Variants in CAST observed in about 807,000 individuals in gnomAD.
The protein encoded by CAST is calpastatin.
A neutral mutation model predicts 119.6 loss-of-function variants in CAST; 76 were observed. The ratio of observed to expected loss-of-function variants is 0.64; its 90% CI spans 0.53 to 0.77. The LOEUF is 0.77. CAST is among the 30% of genes least tolerant of loss of function. CAST has a pLI of 0.00. For missense variants in CAST, 953 were observed against 946.5 expected (o/e 1.01, Z -0.09); for synonymous variants, 319 against 331.6 (o/e 0.96, Z 0.41).
the CAST span, among the ~76,000 whole-genome samples, chr5:95,968,644 G>A: frequency 1.3e-5 from 2 of 151,954 alleles, no homozygotes; most frequent in East Asian, 1.9e-4. Context: ...CAACACATAC[G>A]GACACAGAAG....
the CAST span, among the ~76,000 whole-genome samples, chr5:96,241,884 G>A: frequency 9.7e-5 from 14 of 144,594 alleles, no homozygotes; most frequent in South Asian, 4.6e-4. Context: ...GTCTGTTCAT[G>A]TCCTTCGCCC....
At chr5:96,274,163 G>A in the CAST span, among the ~76,000 whole-genome samples, 1 of 151,026 alleles carries the variant, frequency 6.6e-6, no homozygotes, top group Non-Finnish European at 1.5e-5. Flanking sequence ...GTGCAGTGGC[G>A]TGATCTTGGC....
the CAST span, among the ~76,000 whole-genome samples, chr5:96,223,212 T>G: frequency 3.3e-5 from 5 of 152,136 alleles, no homozygotes; most frequent in African/African-American, 1.2e-4. Context: ...GATAGCAGAC[T>G]AGGGTGACCA....
rs1491035727 is a variant in CAST at position 96,752,990 on chromosome 5, ACT to A, written c.1525-1067_1525-1066del. Among the ~76,000 whole-genome samples, 92 of 140,800 alleles carry A rather than the reference ACT, an allele frequency of 6.5e-4. 1 individual carries two copies. In the South Asian group the frequency reaches 7.7e-3, roughly 12 times the overall value. 92.4% of individuals were successfully genotyped at this position (140,800 alleles called of 152,430 possible). ...CACACACACACACACACACACACAC[ACT>A]CTTACATTTTTTTTTTTTTGAGGCA... is the stretch of plus-strand genomic sequence containing the variant. On this transcript the variant is annotated intron_variant, in intron 20 of 31. Transcript: ENST00000675179.
the CAST span, among the ~76,000 whole-genome samples, chr5:96,150,520 G>A: frequency 1.3e-5 from 2 of 152,196 alleles, no homozygotes; most frequent in Non-Finnish European, 2.9e-5. Context: ...CTGAATCTGG[G>A]GGACTTGGGG....
chr5:96,755,690 A>G (rs1010815043), intron 22 of CAST, among the ~76,000 whole-genome samples: 6 of 152,242 alleles, frequency 3.9e-5, no homozygotes, highest in Non-Finnish European at 7.3e-5. Flanking sequence ...ATCCATGTGC[A>G]CTAGCCCATT....
the CAST span, among the ~76,000 whole-genome samples, chr5:96,388,773 A>G: frequency 6.6e-6 from 1 of 152,314 alleles, no homozygotes; most frequent in South Asian, 2.1e-4. Context: ...CACAGCATGT[A>G]CATGGTTAAT....
chr5:96,554,665 G>A (rs1746199493), intron 1 of CAST, among the ~76,000 whole-genome samples: 1 of 152,008 alleles, frequency 6.6e-6, no homozygotes, highest in African/African-American at 2.4e-5. Context: ...TTTGACAAAG[G>A]GCTAATATCC....
intron 25 of CAST, chr5:96,762,722 T>G (rs1768430120): frequency 3.8e-6 from 1 of 263,732 alleles, no homozygotes; most frequent in Admixed American, 4.8e-5. Flanking sequence ...CTCCTTTATA[T>G]TTTTTCTTAT....
the CAST span, among the ~76,000 whole-genome samples, chr5:96,019,439 T>C: frequency 6.6e-6 from 1 of 152,220 alleles, no homozygotes; most frequent in African/African-American, 2.4e-5. Context: ...CCATTGGACT[T>C]GCTCTGGGGG....
the CAST span, among the ~76,000 whole-genome samples, chr5:96,460,731 G>C: frequency 6.6e-6 from 1 of 152,008 alleles, no homozygotes; most frequent in Non-Finnish European, 1.5e-5. Flanking sequence ...GTATTTTTAG[G>C]CTTCAATTAT....
intron 1 of CAST, among the ~76,000 whole-genome samples, chr5:96,533,024 CAAAA>C (rs5869724): frequency 7.7e-6 from 1 of 129,744 alleles, no homozygotes; most frequent in Non-Finnish European, 1.7e-5. Context: ...GACCTGGTCT[CAAAA>C]AAAAAAAAAT....
intron 29 of CAST, chr5:96,768,248 T>G (rs1770771992): frequency 2.1e-6 from 1 of 472,754 alleles, no homozygotes. Flanking sequence ...CACACCCAGC[T>G]AATTTTTGTA....
At chr5:96,070,366 C>T in the CAST span, among the ~76,000 whole-genome samples, 17 of 152,166 alleles carry the variant, frequency 1.1e-4, no homozygotes, top group African/African-American at 3.9e-4. Context: ...TTTCCTTTGT[C>T]AGAGTCACTA....
At chr5:96,049,889 C>CAAAAAAAAAAAAAAAAAAAAAAA in the CAST span, among the ~76,000 whole-genome samples, 21 of 34,196 alleles carry the variant, frequency 6.1e-4, 1 homozygote, top group South Asian at 2.1e-3. Context: ...GAACAGGAGG[C>CAAAAAAAAAAAAAAAAAAAAAAA]AAAAAAAAAA....
chr5:96,676,759 G>A (rs1046002195), intron 2 of CAST, among the ~76,000 whole-genome samples: 1 of 150,942 alleles, frequency 6.6e-6, no homozygotes, highest in Non-Finnish European at 1.5e-5. Context: ...CAACATGAAA[G>A]TCTACCTAGT....
chr5:96,282,553 A>G, the CAST span, among the ~76,000 whole-genome samples: 1 of 151,858 alleles, frequency 6.6e-6, no homozygotes, highest in South Asian at 2.1e-4. Flanking sequence ...CCAAGTATCA[A>G]TCACCAACTG....
At chr5:96,728,500 G>A (rs1402244675) in intron 6 of CAST, 1 of 149,936 alleles carries the variant, frequency 6.7e-6, no homozygotes, top group Non-Finnish European at 1.5e-5. Context: ...CTTTTGAGAC[G>A]GAGTCTCGCT....
the CAST span, among the ~76,000 whole-genome samples, chr5:96,089,694 A>G: frequency 6.6e-6 from 1 of 152,200 alleles, no homozygotes; most frequent in Non-Finnish European, 1.5e-5. Flanking sequence ...TTGACATACT[A>G]TTACCAACAG....
Sources: allele counts gnomAD v4.1 joint callset (sites outside exome capture counted in the v4.1 genomes callset), GRCh38; gene constraint gnomAD v4.1.1; transcripts MANE v1.5; gene names NCBI Gene and HGNC (gene_info 2026-07-23, HGNC 2026-07-21).